RICTOR: variants seen among roughly 807,000 people sequenced by gnomAD.
RICTOR encodes the protein rapamycin-insensitive companion of mTOR.
In RICTOR, 49 loss-of-function variants were observed where a neutral mutation model predicts 214.9. The observed-to-expected ratio is 0.23, with a 90% CI of 0.18 to 0.29. The LOEUF is 0.29. Among genes scored for constraint, RICTOR ranks in the 10% least tolerant of loss-of-function variants. RICTOR has a pLI of 1.00. For synonymous variants in RICTOR, 717 were observed against 711.3 expected, an observed-to-expected ratio of 1.01 and a Z score of -0.13; for missense variants, 1,625 against 2,047.0, an observed-to-expected ratio of 0.79 and a Z score of 3.98.
intron 28 of RICTOR, among the ~76,000 whole-genome samples, 180 bp downstream of exon 28, chr5:38,953,281 A>T (rs1161460399): frequency 6.6e-6 from 1 of 151,974 alleles, no homozygotes; most frequent in Non-Finnish European, 1.5e-5. Flanking sequence ...TGAAACCAAT[A>T]GTTCAACCAT....
intron 3 of RICTOR, among the ~76,000 whole-genome samples, chr5:39,008,421 A>T (rs561315984): frequency 6.6e-6 from 1 of 152,260 alleles, no homozygotes; most frequent in South Asian, 2.1e-4. Context: ...AGAGGTTAAT[A>T]TGACTTCCTA....
chr5:38,994,729 T>TG (rs2150089468), intron 6 of RICTOR, among the ~76,000 whole-genome samples: 1 of 12,740 alleles, frequency 7.8e-5, no homozygotes, highest in South Asian at 1.4e-3. Flanking sequence ...TTTGAGCAAT[T>TG]AAAAACTACT....
intron 12 of RICTOR, among the ~76,000 whole-genome samples, 198 bp downstream of exon 12, chr5:38,967,745 C>G (rs1750355163): frequency 6.6e-6 from 1 of 151,942 alleles, no homozygotes; most frequent in South Asian, 2.1e-4. Context: ...GCTCTTAGAG[C>G]CAAGGTGATA....
At chr5:39,034,302 G>T (rs535724442) in intron 2 of RICTOR, among the ~76,000 whole-genome samples, 1 of 152,334 alleles carries the variant, frequency 6.6e-6, no homozygotes, top group South Asian at 2.1e-4. Flanking sequence ...CATTTGAACA[G>T]AGCATCTATT....
At chr5:39,061,154 G>A (rs967136955) in intron 2 of RICTOR, among the ~76,000 whole-genome samples, 3 of 151,966 alleles carry the variant, frequency 2.0e-5, no homozygotes, top group Non-Finnish European at 1.5e-5. Flanking sequence ...ATAAATACTT[G>A]GTGAGTGGCC....
intron 10 of RICTOR, among the ~76,000 whole-genome samples, chr5:38,972,226 T>C (rs938132039): frequency 6.6e-6 from 1 of 152,214 alleles, no homozygotes; most frequent in African/African-American, 2.4e-5. Context: ...TGAGTCTGAC[T>C]GCCTGATGAA....
In RICTOR at chr5:38,990,586, A is replaced by ATC. The variant is rs1491121042; in HGVS notation, c.583+362_583+363insGA. Among the ~76,000 whole-genome samples, 40 of 141,114 alleles carry ATC rather than the reference A, an allele frequency of 2.8e-4. 1 individual carries two copies. Among genetic ancestry groups the ATC allele is most frequent in the African/African-American group, 1.0e-3 (36 of 35,926 alleles). The allele number at this position is 141,114 out of a possible 152,430, so 92.6% of individuals were successfully genotyped here. ...TATACACGATATATATGATATATAC[A>ATC]TGATATATACGATATATATGATATA... On this transcript the variant is annotated intron_variant, in intron 7 of 37. Transcript: ENST00000357387.
rs1749902485 is a variant in RICTOR at position 38,962,786 on chromosome 5, T to C, written c.1566+90A>G. Reference sequence around the variant, plus strand: ...GAAAATTCATATGCATGAAGAGAAGTGTAAACTCAAATACATGCATACTAA... The same window carrying C: ...GAAAATTCATATGCATGAAGAGAAGCGTAAACTCAAATACATGCATACTAA... On this transcript the variant is annotated intron_variant, in intron 17 of 37. Coordinates refer to ENST00000357387, the MANE Select transcript of RICTOR (RefSeq NM_152756.5). 3.6e-6 allele frequency: 4 copies of C among 1,103,130 alleles called. No homozygotes were observed. The South Asian group carries it at 5.6e-5, about 15-fold the overall frequency. The allele number at this position is 1,103,130 out of a possible 1,614,324, so 68.3% of individuals were successfully genotyped here.
At chr5:38,959,634 T>A in intron 21 of RICTOR, 145 bp downstream of exon 21, 1 of 624,144 alleles carries the variant, frequency 1.6e-6, no homozygotes, top group Non-Finnish European at 2.8e-6. Flanking sequence ...ACAACAATTT[T>A]AAAAAGAATA....
At chr5:38,992,945 G>C (rs1388391904) in intron 6 of RICTOR, among the ~76,000 whole-genome samples, 1 of 152,172 alleles carries the variant, frequency 6.6e-6, no homozygotes, top group East Asian at 1.9e-4. Context: ...AGTTACCTAA[G>C]GGGAATATCT....
intron 2 of RICTOR, among the ~76,000 whole-genome samples, chr5:39,026,501 G>A (rs529628480): frequency 7.9e-5 from 12 of 152,188 alleles, no homozygotes; most frequent in Admixed American, 1.3e-4. Context: ...AATACTACAC[G>A]TATTCCTGAT....
chr5:38,955,444 C>T (rs1173377042), intron 26 of RICTOR, 151 bp downstream of exon 26: 9 of 604,782 alleles, frequency 1.5e-5, no homozygotes, highest in Non-Finnish European at 1.2e-5. Context: ...GGATATTCAA[C>T]ATGCCATGAA....
intron 3 of RICTOR, among the ~76,000 whole-genome samples, chr5:39,009,779 G>A (rs1754358683): frequency 1.3e-5 from 2 of 152,106 alleles, no homozygotes; most frequent in African/African-American, 4.8e-5. Flanking sequence ...TAGGAAAGAA[G>A]ATAGTAATAG....
At chr5:38,980,019 T>C (rs1751575084) in intron 8 of RICTOR, among the ~76,000 whole-genome samples, 1 of 152,222 alleles carries the variant, frequency 6.6e-6, no homozygotes, top group African/African-American at 2.4e-5. Context: ...AATAACATCT[T>C]CCTGTTCAAA....
intron 2 of RICTOR, among the ~76,000 whole-genome samples, chr5:39,042,411 G>A (rs760586588): frequency 6.6e-6 from 1 of 152,066 alleles, no homozygotes; most frequent in Non-Finnish European, 1.5e-5. Context: ...TATAAGGTAG[G>A]TACTACTATT....
chr5:38,944,424 C>G, intron 36 of RICTOR, 22 bp downstream of exon 36: 5 of 1,587,156 alleles, frequency 3.2e-6, no homozygotes, highest in Non-Finnish European at 3.4e-6. Context: ...ACAAATAATA[C>G]TCATGCACAT....
In RICTOR at chr5:38,938,190, A is replaced by G. The variant is rs1747176278; in HGVS notation, c.*4114T>C. The stretch of plus-strand genomic sequence containing the variant: ...ATAAATCAGATTTCAATGTCTGTTC[A>G]GTGACCTACAAACACCAGAACCTCC... On this transcript the variant is annotated 3_prime_UTR_variant, in exon 38 of 38. Transcript: ENST00000357387. The G allele has an allele frequency of 4.5e-6, 1 of 221,800 alleles. No homozygotes were observed. Among genetic ancestry groups the G allele is most frequent in the Non-Finnish European group, 9.0e-6 (1 of 110,706 alleles). 13.7% of individuals were successfully genotyped at this position (221,800 alleles called of 1,614,324 possible). A position where few individuals can be genotyped will look rare whatever the true frequency, so the allele number is the denominator to read the frequency against.
chr5:38,946,560 A>T lies in RICTOR; in HGVS notation c.4315-8T>A. On this transcript the variant is annotated splice_region_variant and splice_polypyrimidine_tract_variant and intron_variant, in intron 32 of 37. Transcript: ENST00000357387. ...ATAGGGAATATCCTTTACCTAAAAA[A>T]AGATATAAACCATGGTAAGTCCTGC... The T allele has an allele frequency of 6.5e-7, 1 of 1,548,606 alleles. No individual in the cohort carries two copies. Among genetic ancestry groups the T allele is most frequent in the East Asian group, 2.2e-5 (1 of 44,474 alleles).
At chr5:38,962,666 T>C (rs1749893047) in intron 17 of RICTOR, 80 bp from the exon 18 acceptor site, 5 of 882,734 alleles carry the variant, frequency 5.7e-6, no homozygotes, top group South Asian at 3.7e-5. Flanking sequence ...TTTGAAAAAA[T>C]GAAAGGCAGC....
Sources: gnomAD v4.1 joint callset for allele counts (sites outside exome capture counted in the v4.1 genomes callset) on GRCh38, gnomAD v4.1.1 for gene constraint, MANE v1.5 for transcripts, NCBI Gene and HGNC (gene_info 2026-07-23, HGNC 2026-07-21) for gene names.